Variants in SPEF2 observed in about 807,000 individuals in gnomAD.
SPEF2 encodes the protein sperm flagellar and cilia associated 2, also known as sperm flagella and cilia-associated protein 2.
A neutral mutation model predicts 224.6 loss-of-function variants in SPEF2; 187 were observed. The ratio of observed to expected loss-of-function variants is 0.83; its 90% CI spans 0.74 to 0.94. The LOEUF is 0.94. Ranked by LOEUF, SPEF2 falls within the 40% of genes least tolerant of loss-of-function variation. The probability of loss-of-function intolerance (pLI) is 0.00; values close to 1 mark genes in which losing one functional copy is unlikely to be tolerated. For missense variants in SPEF2, 2,170 were observed against 2,135.6 expected, an observed-to-expected ratio of 1.02 and a Z score of -0.32; for synonymous variants, 715 against 707.3, an observed-to-expected ratio of 1.01 and a Z score of -0.17.
At chr5:35,779,949 C>G (rs888673204) in intron 30 of SPEF2, among the ~76,000 whole-genome samples, 7 of 152,118 alleles carry the variant, frequency 4.6e-5, no homozygotes, top group African/African-American at 1.7e-4. Context: ...CAGCCTTTTC[C>G]TACTTCCAGA....
At chr5:35,729,336 A>C (rs2149661309) in intron 21 of SPEF2, among the ~76,000 whole-genome samples, 1 of 152,226 alleles carries the variant, frequency 6.6e-6, no homozygotes, top group South Asian at 2.1e-4. Context: ...CCTCAAGAGA[A>C]CTTCTGCACT....
chr5:35,625,153 T>C (rs1279883886), intron 1 of SPEF2, among the ~76,000 whole-genome samples: 2 of 152,228 alleles, frequency 1.3e-5, no homozygotes, highest in Non-Finnish European at 1.5e-5. Flanking sequence ...CTGAAGTGTC[T>C]TATGCATAAA....
chr5:35,726,250 A>T (rs570600423), intron 20 of SPEF2, among the ~76,000 whole-genome samples: 1 of 152,344 alleles, frequency 6.6e-6, no homozygotes, highest in Admixed American at 6.5e-5. Flanking sequence ...ATGATATTTA[A>T]GAAAAGAAAA....
chr5:35,733,514 T>C (rs1658023479), intron 21 of SPEF2, among the ~76,000 whole-genome samples: 1 of 152,180 alleles, frequency 6.6e-6, no homozygotes, highest in Admixed American at 6.5e-5. Flanking sequence ...TTTTAAAGTA[T>C]GAGTTCATTG....
intron 18 of SPEF2, among the ~76,000 whole-genome samples, chr5:35,706,205 C>G (rs1178313542): frequency 6.6e-6 from 1 of 151,788 alleles, no homozygotes; most frequent in Non-Finnish European, 1.5e-5. Flanking sequence ...AAAGGTTTTA[C>G]TTTGTTAGCT....
chr5:35,676,861 G>A (rs1462758114), intron 10 of SPEF2, among the ~76,000 whole-genome samples: 3 of 152,144 alleles, frequency 2.0e-5, no homozygotes, highest in Non-Finnish European at 2.9e-5. Context: ...CAGATATGTA[G>A]GACTGAGAAC....
chr5:35,711,182 A>G (rs1443181125), intron 19 of SPEF2, among the ~76,000 whole-genome samples: 1 of 152,222 alleles, frequency 6.6e-6, no homozygotes, highest in Non-Finnish European at 1.5e-5. Flanking sequence ...CTTCAGCAGA[A>G]GTTGAGATGA....
At chr5:35,628,363 A>G (rs1306215654) in intron 1 of SPEF2, 97 bp from the exon 2 acceptor site, 1 of 652,666 alleles carries the variant, frequency 1.5e-6, no homozygotes, top group Admixed American at 3.1e-5. Context: ...GTTCCAGTTA[A>G]ATTGTGTAGT....
intron 32 of SPEF2, among the ~76,000 whole-genome samples, 182 bp from the exon 33 acceptor site, chr5:35,795,521 A>C (rs1191651707): frequency 6.6e-6 from 1 of 152,228 alleles, no homozygotes; most frequent in African/African-American, 2.4e-5. Flanking sequence ...ATTATGTAAG[A>C]ATGAGATAAA....
Position 35,697,793 on chromosome 5 carries a change from A to G in SPEF2, c.2141A>G (p.Asn714Ser). 1 of 1,603,664 alleles carries G rather than the reference A, an allele frequency of 6.2e-7. No individual in the cohort carries two copies. The highest frequency in any genetic ancestry group is 1.3e-5 in the African/African-American group (1 of 74,766). Residue 714 changes from asparagine (N) to serine (S), a missense_variant and splice_region_variant, in exon 15 of 37, where the codon AAT becomes AGT. By Grantham distance (46) the Asn-to-Ser change is conservative (BLOSUM62 1). Transcript: ENST00000356031. ...LLVDIIVNAI[N>S]EIPVNQDCIL... The stretch of plus-strand genomic sequence containing the variant: ...GTTGACATCATAGTAAATGCTATTA[A>G]GTATGTATTGCATTTTTCTTCCTCT...
intron 30 of SPEF2, chr5:35,789,256 G>A (rs1476275908): frequency 2.8e-6 from 2 of 703,116 alleles, no homozygotes; most frequent in South Asian, 1.5e-5. Flanking sequence ...ACTTCTTGTT[G>A]GATGTCATGA....
At chr5:35,687,516 G>A (rs1261969338) in intron 10 of SPEF2, among the ~76,000 whole-genome samples, 1 of 151,528 alleles carries the variant, frequency 6.6e-6, no homozygotes, top group African/African-American at 2.4e-5. Flanking sequence ...GGAGTGCAGT[G>A]GCACAAATTT....
intron 27 of SPEF2, among the ~76,000 whole-genome samples, chr5:35,772,091 T>G (rs1752937028): frequency 6.6e-6 from 1 of 152,218 alleles, no homozygotes; most frequent in Non-Finnish European, 1.5e-5. Flanking sequence ...AAAGAGAAGT[T>G]TAAAAGCTAT....
rs1738416895 is a variant in SPEF2 at position 35,700,601 on chromosome 5, A to G, written c.2247A>G (p.Thr749=). The G allele has an allele frequency of 1.2e-6, 2 of 1,613,878 alleles. No individual in the cohort carries two copies. The highest frequency in any genetic ancestry group is 4.5e-5 in the East Asian group (2 of 44,860). Residue 749 remains threonine, a synonymous_variant, in exon 16 of 37, where the codon ACA becomes ACG. Transcript: ENST00000356031. ...TTACAGGCTGCAATAGAAACCTCAC[A>G]GAAGTGGAAAGAAAAAAAGCACAAA... is the stretch of plus-strand genomic sequence containing the variant. ...EALTGCNRNL[T]EVERKKAQKS... is the part of the protein sequence containing the mutation.
intron 2 of SPEF2, among the ~76,000 whole-genome samples, chr5:35,637,287 AT>A (rs1745975388): frequency 6.6e-6 from 1 of 152,156 alleles, no homozygotes; most frequent in South Asian, 2.1e-4. Context: ...GAAAAGGTTG[AT>A]TTTTACAATT....
chr5:35,771,501 G>A (rs1035502471), intron 26 of SPEF2, 108 bp from the exon 27 acceptor site: 1 of 1,394,278 alleles, frequency 7.2e-7, no homozygotes, highest in Non-Finnish European at 9.6e-7. Context: ...GGGCACAATT[G>A]TTTACAGTGG....
intron 20 of SPEF2, 52 bp downstream of exon 20, chr5:35,712,938 T>C: frequency 1.3e-6 from 2 of 1,502,260 alleles, no homozygotes; most frequent in Non-Finnish European, 1.8e-6. Context: ...ATTTTATAAC[T>C]ATCTCAGTGA....
chr5:35,742,436 A>C (rs1164047245), intron 23 of SPEF2, among the ~76,000 whole-genome samples: 1 of 152,060 alleles, frequency 6.6e-6, no homozygotes, highest in African/African-American at 2.4e-5. Flanking sequence ...GAACTTGTAA[A>C]TTTTACTCAA....
chr5:35,665,134 A>C (rs954702022), intron 8 of SPEF2, among the ~76,000 whole-genome samples: 1 of 152,120 alleles, frequency 6.6e-6, no homozygotes, highest in Non-Finnish European at 1.5e-5. Flanking sequence ...AGTGGATGCC[A>C]TCCTTATTTA....
Sources: gnomAD v4.1 joint callset for allele counts (sites outside exome capture counted in the v4.1 genomes callset) on GRCh38, gnomAD v4.1.1 for gene constraint, MANE v1.5 for transcripts, NCBI Gene and HGNC (gene_info 2026-07-23, HGNC 2026-07-21) for gene names.